LEFTY1: variants seen among roughly 807,000 people sequenced by gnomAD.
LEFTY1 encodes left-right determination factor 1.
LEFTY1 carries 18 observed loss-of-function variants against 22.6 expected under a neutral mutation model. That is an observed-to-expected ratio of 0.80 (90% CI 0.55 to 1.18). The LOEUF (loss-of-function observed/expected upper bound fraction) is 1.18, where lower values mean the gene tolerates loss of function less well. Among genes scored for constraint, LEFTY1 ranks in the 50% most tolerant of loss-of-function variants. The pLI is 0.00. For synonymous variants in LEFTY1, 201 were observed against 231.5 expected (o/e 0.87, Z 1.20); for missense variants, 414 against 495.4 (o/e 0.84, Z 1.56).
rs933589655 is a variant in LEFTY1, at chr1:225,887,699, G to A, written c.498-61C>T. The stretch of plus-strand genomic sequence containing the variant: ...GGCGGGGACTGGGACGGGCCCCGAG[G>A]ACCCCGCACCGCCCCCCCGCGTCCC... On this transcript the variant is annotated intron_variant, in intron 2 of 3. Transcript: ENST00000272134. The A allele has an allele frequency of 1.9e-5, 30 of 1,598,184 alleles. No homozygotes were observed. In the African/African-American group the frequency reaches 3.5e-4, roughly 19 times the overall value.
rs767941346 is a variant in LEFTY1 at position 225,888,977 on chromosome 1, G to T, written c.90C>A (p.Ser30Arg). Residue 30 changes from serine to arginine, a missense_variant, in exon 1 of 4, where the codon AGC (serine) becomes AGA (arginine). Physicochemically the swap from Ser to Arg is moderately radical, Grantham distance 110. Transcript: ENST00000272134. ...CTTTGAGCTGCAGCTGCCGCAGCAG[G>T]CTGCCCAGGAGCTGCTCCCCGGTCA... ...AALTGEQLLG[S>R]LLRQLQLKEV... is the part of the protein sequence containing the mutation. 6.3e-7 allele frequency: 1 copy of T among 1,596,678 alleles called. No homozygotes were observed. Among genetic ancestry groups the T allele is most frequent in the South Asian group, 1.1e-5 (1 of 89,006 alleles).
Position 225,888,792 on chromosome 1 carries a change from G to C in LEFTY1, c.250+25C>G, listed in dbSNP as rs144133143. On this transcript the variant is annotated intron_variant, in intron 1 of 3. Transcript: ENST00000272134. ...CATCTGACCTGCCCCATGGGACCAGGGGCAGCAGGGAGGGAGGGCCTCACC... is the reference window on the plus strand; with the variant it reads ...CATCTGACCTGCCCCATGGGACCAGCGGCAGCAGGGAGGGAGGGCCTCACC... 6.2e-6 allele frequency: 10 copies of C among 1,612,608 alleles called. No individual in the cohort carries two copies. The South Asian group carries it at 1.1e-4, about 18-fold the overall frequency.
intron 1 of LEFTY1, among the ~76,000 whole-genome samples, 166 bp downstream of exon 1, chr1:225,888,651 C>T (rs577975628): frequency 5.6e-4 from 85 of 152,316 alleles, no homozygotes; most frequent in African/African-American, 1.8e-3. Context: ...CATGCTGAGG[C>T]CCCGCCATCC....
chr1:225,888,334 C>T (rs1171700013), intron 1 of LEFTY1, among the ~76,000 whole-genome samples: 4 of 152,088 alleles, frequency 2.6e-5, no homozygotes, highest in African/African-American at 2.4e-5. Context: ...GCTAGGGAGG[C>T]GAGAGGCTGC....
In LEFTY1 at chr1:225,886,643, T is replaced by TTCAG. The variant is rs1372432944; in HGVS notation, c.*80_*83dup. ...GCACAGAGCATTTGTCCATCAGCAG[T>TTCAG]TCAGTCATCGCCAGCTCTCCTGGTA... is the stretch of plus-strand genomic sequence containing the variant. On this transcript the variant is annotated 3_prime_UTR_variant, in exon 4 of 4. Coordinates refer to ENST00000272134, the MANE Select transcript of LEFTY1 (RefSeq NM_020997.4). 2 of 1,591,590 alleles carry TTCAG rather than the reference T, an allele frequency of 1.3e-6. No homozygotes were observed. The highest frequency in any genetic ancestry group is 2.7e-5 in the African/African-American group (2 of 74,668).
At position 225,888,969 on chromosome 1, in the gene LEFTY1, C is replaced by T. The variant is rs41310561; in HGVS notation, c.98G>A (p.Arg33Gln). The change falls in exon 1 of 4, where the codon CGG becomes CAG. Residue 33 changes from arginine to glutamine, a missense_variant. This residue lies in a region of LEFTY1 where 398 missense variants were observed against 454.7 expected (regional missense o/e 0.88). Coordinates refer to ENST00000272134, the MANE Select transcript of LEFTY1 (RefSeq NM_020997.4). Reference protein sequence around the residue: ...TGEQLLGSLLRQLQLKEVPTL... With the variant: ...TGEQLLGSLLQQLQLKEVPTL... ...GGGCACCTCTTTGAGCTGCAGCTGCCGCAGCAGGCTGCCCAGGAGCTGCTC... is the reference window on the plus strand; with the variant it reads ...GGGCACCTCTTTGAGCTGCAGCTGCTGCAGCAGGCTGCCCAGGAGCTGCTC... 72,084 of 1,601,528 alleles carry T rather than the reference C, an allele frequency of 0.045. 2,151 individuals are homozygous for T. The highest frequency in any genetic ancestry group is 0.15 in the East Asian group (6,763 of 44,526).
intron 2 of LEFTY1, 56 bp from the exon 3 acceptor site, chr1:225,887,694 C>G: frequency 1.9e-6 from 3 of 1,604,218 alleles, no homozygotes; most frequent in Non-Finnish European, 2.5e-6. Context: ...GGGACGGGCC[C>G]CGAGGACCCC....
chr1:225,887,327 T>G, intron 3 of LEFTY1, 72 bp downstream of exon 3: 2 of 1,599,732 alleles, frequency 1.3e-6, no homozygotes, highest in Non-Finnish European at 1.7e-6. Flanking sequence ...CTCTGAAAAG[T>G]TGTCCATTTC....
Position 225,887,635 on chromosome 1 carries a change from C to T in LEFTY1, c.501G>A (p.Leu167=), listed in dbSNP as rs759962969. 19 of 1,612,142 alleles carry T rather than the reference C, an allele frequency of 1.2e-5. No individual in the cohort carries two copies. The African/African-American group carries it at 2.4e-4, about 20-fold the overall frequency. Residue 167 remains leucine, a synonymous_variant, in exon 3 of 4, where the codon CTG becomes CTA. Transcript: ENST00000272134. ...SNRTSLIDSR[L]VSVHESGWKA... is the part of the protein sequence containing the mutation. ...TCCAGCCGCTCTCGTGGACGGACAC[C>T]AGCCTGAGACATGACACAGAGACCC...
At position 225,886,538 on chromosome 1, in the gene LEFTY1, G is replaced by T; in HGVS notation, c.*189C>A. 1.7e-6 allele frequency: 2 copies of T among 1,145,278 alleles called. No homozygotes were observed. The highest frequency in any genetic ancestry group is 2.4e-6 in the Non-Finnish European group (2 of 834,016). The allele number at this position is 1,145,278 out of a possible 1,614,324, so 70.9% of individuals were successfully genotyped here. Reference sequence around the variant, plus strand: ...AAAACTGAGCAAGGGCTCTCCAGTGGCCAAAGATTCTCATTCCTGAGAAGC... The same window carrying T: ...AAAACTGAGCAAGGGCTCTCCAGTGTCCAAAGATTCTCATTCCTGAGAAGC... On this transcript the variant is annotated 3_prime_UTR_variant, in exon 4 of 4. Coordinates refer to ENST00000272134, the MANE Select transcript of LEFTY1 (RefSeq NM_020997.4).
chr1:225,887,227 T>A, intron 3 of LEFTY1, 137 bp from the exon 4 acceptor site: 1 of 1,470,248 alleles, frequency 6.8e-7, no homozygotes, highest in Non-Finnish European at 9.0e-7. Context: ...CAGCTAGAAA[T>A]AACTTGAAAA....
At chr1:225,888,711 A>G in intron 1 of LEFTY1, 106 bp downstream of exon 1, 1 of 1,476,368 alleles carries the variant, frequency 6.8e-7, no homozygotes, top group Non-Finnish European at 9.1e-7. Context: ...GCCCTCACTC[A>G]GCCTCCCACA....
At chr1:225,887,145 G>C in intron 3 of LEFTY1, 55 bp from the exon 4 acceptor site, 1 of 1,546,508 alleles carries the variant, frequency 6.5e-7, no homozygotes, top group Non-Finnish European at 8.7e-7. Flanking sequence ...TGAGGTCAGA[G>C]GGCGTCTGGG....
In LEFTY1 at chr1:225,887,611, C is replaced by G. The variant is rs1162398395; in HGVS notation, c.525G>C (p.Trp175Cys). 3.7e-6 allele frequency: 6 copies of G among 1,612,282 alleles called. No individual in the cohort carries two copies. Among genetic ancestry groups the G allele is most frequent in the Admixed American group, 1.7e-5 (1 of 60,018 alleles). Residue 175 changes from tryptophan to cysteine, a missense_variant, in exon 3 of 4, where the codon TGG (tryptophan) becomes TGC (cysteine). This residue lies in a region of LEFTY1 where 398 missense variants were observed against 454.7 expected (regional missense o/e 0.88). Transcript: ENST00000272134. ...CGGCCTCGGTCACGTCGAAGGCCTT[C>G]CAGCCGCTCTCGTGGACGGACACCA... ...SRLVSVHESG[W>C]KAFDVTEAVN...
chr1:225,887,385 C>T lies in LEFTY1; in HGVS notation c.737+14G>A. 2 of 1,613,266 alleles carry T rather than the reference C, an allele frequency of 1.2e-6. No homozygotes were observed. The highest frequency in any genetic ancestry group is 1.7e-6 in the Non-Finnish European group (2 of 1,179,716). On this transcript the variant is annotated intron_variant, in intron 3 of 3. Transcript: ENST00000272134. Reference sequence around the variant, plus strand: ...TCTTTATTCCGGCTTACCAGTTTGACCCTCAGCACCTACCCATAGTCCCCA... The same window carrying T: ...TCTTTATTCCGGCTTACCAGTTTGATCCTCAGCACCTACCCATAGTCCCCA...
chr1:225,887,409 C>T lies in LEFTY1; in HGVS notation c.727G>A (p.Gly243Arg), dbSNP rs766734076. Residue 243 changes from glycine (G) to arginine (R), a missense_variant, in exon 3 of 4, where the codon GGG becomes AGG. Around this residue, in one of 2 missense-constraint regions of LEFTY1, gnomAD observed 398 missense variants for 454.7 expected, o/e 0.88. Transcript: ENST00000272134. ...PQLELHTLDL[G>R]DYGAQGDCDP... ...ACCCTCAGCACCTACCCATAGTCCC[C>T]AAGGTCCAGGGTGTGCAGCTCCAGC... 2.6e-5 allele frequency: 42 copies of T among 1,613,534 alleles called. No homozygotes were observed. Among genetic ancestry groups the T allele is most frequent in the Middle Eastern group, 1.6e-4 (1 of 6,082 alleles).
In LEFTY1 at chr1:225,889,124, G is replaced by T. The variant is rs139832223; in HGVS notation, c.-58C>A. 7 of 1,426,800 alleles carry T rather than the reference G, an allele frequency of 4.9e-6. No homozygotes were observed. The highest frequency in any genetic ancestry group is 1.4e-5 in the African/African-American group (1 of 69,376). 88.4% of individuals were successfully genotyped at this position (1,426,800 alleles called of 1,614,324 possible). A position where few individuals can be genotyped will look rare whatever the true frequency, so the allele number is the denominator to read the frequency against. On this transcript the variant is annotated 5_prime_UTR_variant, in exon 1 of 4. Transcript: ENST00000272134. Reference sequence around the variant, plus strand: ...GGGCTGTCCCTTGAGAAGGCTGCAGGAGGGTCTCAGGCAGCTGGATGTGCT... The same window carrying T: ...GGGCTGTCCCTTGAGAAGGCTGCAGTAGGGTCTCAGGCAGCTGGATGTGCT...
rs376034532 is a variant in LEFTY1 at position 225,888,847 on chromosome 1, G to A, written c.220C>T (p.Arg74Cys). 2.7e-4 allele frequency: 435 copies of A among 1,613,292 alleles called. 4 individuals are homozygous for A. The South Asian group carries it at 4.5e-3, about 17-fold the overall frequency. Reference protein sequence around the residue: ...LLQRSHGDRSRGKRFSQSFRE... With the variant: ...LLQRSHGDRSCGKRFSQSFRE... Reference sequence around the variant, plus strand: ...AAGCTCTGGCTGAACCTCTTTCCGCGGGAGCGGTCCCCGTGGCTGCGCTGC... The same window carrying A: ...AAGCTCTGGCTGAACCTCTTTCCGCAGGAGCGGTCCCCGTGGCTGCGCTGC... Residue 74 changes from arginine to cysteine, a missense_variant, in exon 1 of 4, where the codon CGC (arginine) becomes TGC (cysteine). This residue lies in a region of LEFTY1 where 398 missense variants were observed against 454.7 expected (regional missense o/e 0.88). Transcript: ENST00000272134.
At position 225,887,061 on chromosome 1, in the gene LEFTY1, G is replaced by A. The variant is rs749366481; in HGVS notation, c.767C>T (p.Pro256Leu). 6.2e-7 allele frequency: 1 copy of A among 1,600,180 alleles called. No homozygotes were observed. Among genetic ancestry groups the A allele is most frequent in the Non-Finnish European group, 8.5e-7 (1 of 1,172,894 alleles). The change falls in exon 4 of 4, where the codon CCA becomes CTA. Residue 256 changes from proline (P) to leucine (L), a missense_variant. Transcript: ENST00000272134. ...GAQGDCDPEA[P>L]MTEGTRCCRQ... Reference sequence around the variant, plus strand: ...GCAGCAGCGGGTGCCCTCGGTCATTGGTGCTTCAGGGTCACAGTCGCCCTG... The same window carrying A: ...GCAGCAGCGGGTGCCCTCGGTCATTAGTGCTTCAGGGTCACAGTCGCCCTG...
Sources: allele counts gnomAD v4.1 joint callset (sites outside exome capture counted in the v4.1 genomes callset), GRCh38; gene constraint gnomAD v4.1.1; regional missense constraint gnomAD v4.1.1; transcripts MANE v1.5; gene names NCBI Gene and HGNC (gene_info 2026-07-23, HGNC 2026-07-21).